NREP: variants seen among roughly 807,000 people sequenced by gnomAD.
NREP encodes the protein neuronal regeneration-related protein.
Under a neutral mutation model 8.6 loss-of-function variants are expected in NREP, and 5 were observed. That is an observed-to-expected ratio of 0.58 (90% confidence interval 0.30 to 1.22). NREP has a LOEUF of 1.22. Ranked by LOEUF, NREP falls within the 50% of genes most tolerant of loss-of-function variation. The pLI is 0.07. For synonymous variants in NREP, 27 were observed against 28.0 expected, an observed-to-expected ratio of 0.96 and a Z score of 0.11; for missense variants, 86 against 82.5, an observed-to-expected ratio of 1.04 and a Z score of -0.17.
intron 2 of NREP, among the ~76,000 whole-genome samples, chr5:111,960,612 T>G (rs1756452899): frequency 6.6e-6 from 1 of 152,132 alleles, no homozygotes; most frequent in African/African-American, 2.4e-5. Flanking sequence ...AGGCAAGAAT[T>G]TAGAAAATCA....
intron 2 of NREP, among the ~76,000 whole-genome samples, chr5:111,942,133 A>G (rs1009166021): frequency 1.3e-5 from 2 of 152,050 alleles, no homozygotes; most frequent in Non-Finnish European, 2.9e-5. Context: ...CACAAAAGTT[A>G]TTTTCTTATG....
At chr5:111,839,608 T>C (rs990104710) in intron 2 of NREP, among the ~76,000 whole-genome samples, 2 of 152,096 alleles carry the variant, frequency 1.3e-5, no homozygotes, top group South Asian at 2.1e-4. Flanking sequence ...CTTTCTGTTA[T>C]GGTTACCGTT....
chr5:111,772,654 A>G (rs545670537), intron 2 of NREP, among the ~76,000 whole-genome samples: 142 of 152,062 alleles, frequency 9.3e-4, no homozygotes, highest in African/African-American at 3.3e-3. Context: ...CGAGACACCA[A>G]CAGGGATGCT....
chr5:111,929,656 C>G (rs531220418), intron 2 of NREP, among the ~76,000 whole-genome samples: 4 of 152,266 alleles, frequency 2.6e-5, no homozygotes, highest in Admixed American at 2.6e-4. Flanking sequence ...ACACAGTAAC[C>G]TTTACACATT....
chr5:111,770,126 G>C (rs1029756491), intron 2 of NREP, among the ~76,000 whole-genome samples: 1 of 152,148 alleles, frequency 6.6e-6, no homozygotes, highest in Non-Finnish European at 1.5e-5. Flanking sequence ...CATGTCTATT[G>C]TAAACCTTCT....
In NREP at chr5:111,910,410, T is replaced by C. The variant is rs186114866; in HGVS notation, c.135+64864A>G. Among the ~76,000 whole-genome samples the C allele has an allele frequency of 8.5e-5, 13 of 152,098 alleles. No homozygotes were observed. The East Asian group carries it at 2.1e-3, about 25-fold the overall frequency. On this transcript the variant is annotated intron_variant, in intron 2 of 3. Transcript: ENST00000395634. ...CAGAGGGTCAATGTGTGGCGACAAA[T>C]TGGCTGCTATCTTTTTTGGGGGGTA...
chr5:111,776,276 A>G lies in NREP; in HGVS notation c.136-40769T>C, dbSNP rs116276799. On this transcript the variant is annotated intron_variant, in intron 2 of 3. Coordinates refer to the NREP transcript ENST00000395634. ...ATTTGGAGCATATTTTGTTCCAAGC[A>G]AATGTTTGAAAATAACTTTCATCTT... Among the ~76,000 whole-genome samples the G allele has an allele frequency of 6.1e-3, 924 of 152,310 alleles. 12 individuals carry two copies. The highest frequency in any genetic ancestry group is 0.017 in the Middle Eastern group (5 of 294).
intron 2 of NREP, among the ~76,000 whole-genome samples, chr5:111,743,960 C>A (rs1309302024): frequency 1.3e-5 from 2 of 152,062 alleles, no homozygotes; most frequent in African/African-American, 2.4e-5. Context: ...AATACGATTT[C>A]TTTTGTTAAA....
At chr5:111,843,468 A>G (rs1423749050) in intron 2 of NREP, among the ~76,000 whole-genome samples, 1 of 151,870 alleles carries the variant, frequency 6.6e-6, no homozygotes, top group Non-Finnish European at 1.5e-5. Flanking sequence ...GTAGTTGTCT[A>G]TATGTGTTCT....
At chr5:111,791,907 CT>C (rs1242340130) in intron 2 of NREP, among the ~76,000 whole-genome samples, 1 of 152,168 alleles carries the variant, frequency 6.6e-6, no homozygotes, top group Non-Finnish European at 1.5e-5. Flanking sequence ...GTCTGGGACT[CT>C]GTTATCTGAC....
intron 2 of NREP, among the ~76,000 whole-genome samples, chr5:111,908,391 G>A (rs1754827212): frequency 6.6e-6 from 1 of 151,942 alleles, no homozygotes; most frequent in Non-Finnish European, 1.5e-5. Context: ...CAGGTAGTAA[G>A]CATAATGCTC....
At chr5:111,917,313 T>G (rs1309151884) in intron 2 of NREP, among the ~76,000 whole-genome samples, 1 of 152,156 alleles carries the variant, frequency 6.6e-6, no homozygotes, top group African/African-American at 2.4e-5. Flanking sequence ...TTTCTGAAAC[T>G]ATTCCAAACA....
intron 1 of NREP, among the ~76,000 whole-genome samples, chr5:111,975,733 C>T: frequency 6.6e-6 from 1 of 152,086 alleles, no homozygotes; most frequent in East Asian, 1.9e-4. Context: ...ATTTCTTAAC[C>T]TCCTCAATTT....
At chr5:111,755,595 A>G in intron 2 of NREP, 175 bp downstream of exon 2, 1 of 672,766 alleles carries the variant, frequency 1.5e-6, no homozygotes. Flanking sequence ...GCCACATCCA[A>G]TTCACATAAA....
intron 2 of NREP, among the ~76,000 whole-genome samples, chr5:111,919,014 G>A (rs1364719584): frequency 6.6e-6 from 1 of 151,838 alleles, no homozygotes; most frequent in Non-Finnish European, 1.5e-5. Context: ...GAATCTACAG[G>A]GACTTAAAAC....
intron 2 of NREP, among the ~76,000 whole-genome samples, chr5:111,777,552 A>T (rs1382299976): frequency 2.8e-4 from 42 of 152,146 alleles, no homozygotes; most frequent in Admixed American, 2.7e-3. Flanking sequence ...GAGGTGAGAC[A>T]TCTAGGAGTA....
In NREP at chr5:111,880,697, T is replaced by C. The variant is rs548374454; in HGVS notation, c.135+94577A>G. Reference sequence around the variant, plus strand: ...CATATGAATGGATTACAGAGGTAGATACAATTTAGTGCATAACACTAGGAA... The same window carrying C: ...CATATGAATGGATTACAGAGGTAGACACAATTTAGTGCATAACACTAGGAA... On this transcript the variant is annotated intron_variant, in intron 2 of 3. Coordinates refer to the NREP transcript ENST00000395634. 1.2e-3 allele frequency among the ~76,000 whole-genome samples: 184 copies of C among 150,964 alleles called. 1 individual carries two copies. Among genetic ancestry groups the C allele is most frequent in the Non-Finnish European group, 2.1e-3 (141 of 67,874 alleles).
intron 2 of NREP, among the ~76,000 whole-genome samples, chr5:111,965,862 A>G (rs570334502): frequency 1.6e-4 from 24 of 152,310 alleles, no homozygotes; most frequent in South Asian, 2.1e-4. Context: ...AGTGCTTGAT[A>G]TGTCTCCTAA....
intron 2 of NREP, among the ~76,000 whole-genome samples, chr5:111,953,237 G>A (rs1756215374): frequency 6.6e-6 from 1 of 152,058 alleles, no homozygotes; most frequent in Admixed American, 6.6e-5. Context: ...TAGGCTCAAA[G>A]CCCTGTCAAG....
Sources: gnomAD v4.1 joint callset for allele counts (sites outside exome capture counted in the v4.1 genomes callset) on GRCh38, gnomAD v4.1.1 for gene constraint, MANE v1.5 for transcripts, NCBI Gene and HGNC (gene_info 2026-07-23, HGNC 2026-07-21) for gene names.